The following SPTB variants were observed in gnomAD, a reference collection of about 807,000 sequenced individuals.
SPTB encodes the protein spectrin beta, erythrocytic.
SPTB carries 45 observed loss-of-function variants against 256.2 expected under a neutral mutation model. The ratio of observed to expected loss-of-function variants is 0.18; its 90% CI spans 0.14 to 0.23. The LOEUF (loss-of-function observed/expected upper bound fraction) is 0.23, where lower values mean the gene tolerates loss of function less well. SPTB is among the 10% of genes least tolerant of loss of function. The pLI is 1.00. For missense variants in SPTB, 2,715 were observed against 3,040.4 expected (o/e 0.89, Z 2.52); for synonymous variants, 1,231 against 1,243.1 (o/e 0.99, Z 0.21).
Position 64,772,762 on chromosome 14 carries a change from G to A in SPTB, c.5371C>T (p.Gln1791Ter). 1 of 1,613,988 alleles carries A rather than the reference G, an allele frequency of 6.2e-7. No homozygotes were observed. Among genetic ancestry groups the A allele is most frequent in the Non-Finnish European group, 8.5e-7 (1 of 1,180,032 alleles). ...AGGTCATAGGAGGCGGCCAGCAGCT[G>A]CATGCGCGTGTCAATGAGCTCCAGG... is the stretch of plus-strand genomic sequence containing the variant. ...DLLELIDTRM[Q>*]LLAASYDLHR... The change falls in exon 26 of 36, where the codon CAG (glutamine) becomes TAG (stop). Residue 1791 changes from glutamine (Q) to a stop codon, truncating the protein, a stop_gained. Coordinates refer to ENST00000644917, the MANE Select transcript of SPTB (RefSeq NM_001355436.2). LOFTEE classifies it high-confidence loss of function. The surrounding 1 kb of genome is among the most constrained non-coding windows in gnomAD (Gnocchi z 5.4).
In SPTB at chr14:64,774,516, G is replaced by A. The variant is rs767257742; in HGVS notation, c.4854C>T (p.Gly1618=). Residue 1618 remains glycine, a synonymous_variant, in exon 24 of 36, where the codon GGC becomes GGT. Coordinates refer to ENST00000644917, the MANE Select transcript of SPTB (RefSeq NM_001355436.2). ...ISDEIPKDEE[G]AIVMLKRHLR... Reference sequence around the variant, plus strand: ...AATGTCGCTTCAGCATCACAATGGCGCCCTCTTCATCCTAGGAGGCAGCAG... The same window carrying A: ...AATGTCGCTTCAGCATCACAATGGCACCCTCTTCATCCTAGGAGGCAGCAG... The A allele has an allele frequency of 4.5e-6, 7 of 1,553,568 alleles. No homozygotes were observed. Among genetic ancestry groups the A allele is most frequent in the South Asian group, 1.2e-5 (1 of 84,212 alleles).
At position 64,749,298 on chromosome 14, in the gene SPTB, C is replaced by A; in HGVS notation, c.*8G>T. ...TCCCGACTCCGCCGCGCCCGCCAGC[C>A]CCACCTGCTACTTCTTTTTGGGGAA... On this transcript the variant is annotated 3_prime_UTR_variant, in exon 36 of 36. Coordinates refer to ENST00000644917, the MANE Select transcript of SPTB (RefSeq NM_001355436.2). The surrounding 1 kb of genome is among the most constrained non-coding windows in gnomAD (Gnocchi z 4.7). The A allele has an allele frequency of 6.3e-7, 1 of 1,593,364 alleles. No individual in the cohort carries two copies. Among genetic ancestry groups the A allele is most frequent in the East Asian group, 2.3e-5 (1 of 44,048 alleles).
rs2083608227 is a variant in SPTB at position 64,841,610 on chromosome 14, C to CT, written c.-51-18466dup. The stretch of plus-strand genomic sequence containing the variant: ...CATTTCTTGTGAGGATTGCCAAGCA[C>CT]TTTTTCCCCCAAATCGACACAGACA... On this transcript the variant is annotated intron_variant, in intron 1 of 35. Coordinates refer to ENST00000644917, the MANE Select transcript of SPTB (RefSeq NM_001355436.2). This position sits in a 1 kb window ranked among gnomAD's most constrained non-coding sequence, Gnocchi z 4.6. Among the ~76,000 whole-genome samples, 3 of 152,070 alleles carry CT rather than the reference C, an allele frequency of 2.0e-5. No homozygotes were observed. The highest frequency in any genetic ancestry group is 1.5e-5 in the Non-Finnish European group (1 of 68,026).
intron 13 of SPTB, among the ~76,000 whole-genome samples, 155 bp downstream of exon 13, chr14:64,794,312 G>C (rs2082728016): frequency 6.6e-6 from 1 of 152,134 alleles, no homozygotes; most frequent in African/African-American, 2.4e-5. Context: ...TAGAGAATTT[G>C]GCTGGTCCCT....
rs931091959 is a variant in SPTB, at chr14:64,823,326, G to A, written c.-51-181C>T. ...TCGTTTGTTATAAAATATTGCAGCA[G>A]CAGCAGCAGCAACAGTACCGGCAGC... is the stretch of plus-strand genomic sequence containing the variant. On this transcript the variant is annotated intron_variant, in intron 1 of 35. Coordinates refer to ENST00000644917, the MANE Select transcript of SPTB (RefSeq NM_001355436.2). This position sits in a 1 kb window ranked among gnomAD's most constrained non-coding sequence, Gnocchi z 6.5. Among the ~76,000 whole-genome samples, 2 of 152,194 alleles carry A rather than the reference G, an allele frequency of 1.3e-5. No homozygotes were observed. Among genetic ancestry groups the A allele is most frequent in the Non-Finnish European group, 2.9e-5 (2 of 68,028 alleles).
intron 2 of SPTB, among the ~76,000 whole-genome samples, chr14:64,818,439 G>A (rs1360373412): frequency 6.6e-6 from 1 of 152,176 alleles, no homozygotes; most frequent in Non-Finnish European, 1.5e-5. Context: ...AAAGGGGAAT[G>A]AGGCTCATGC....
At position 64,772,547 on chromosome 14, in the gene SPTB, G is replaced by T; in HGVS notation, c.5553+33C>A. 6.3e-7 allele frequency: 1 copy of T among 1,599,286 alleles called. No homozygotes were observed. The highest frequency in any genetic ancestry group is 1.1e-5 in the South Asian group (1 of 90,764). ...CTGACACCCAGGGCTCCTGGAAATTGGTAGCAGGTGGGCGGCAGGGGGCTG... is the reference window on the plus strand; with the variant it reads ...CTGACACCCAGGGCTCCTGGAAATTTGTAGCAGGTGGGCGGCAGGGGGCTG... On this transcript the variant is annotated intron_variant, in intron 26 of 35. Coordinates refer to ENST00000644917, the MANE Select transcript of SPTB (RefSeq NM_001355436.2). The surrounding 1 kb of genome is among the most constrained non-coding windows in gnomAD (Gnocchi z 5.4).
Position 64,794,505 on chromosome 14 carries a change from G to A in SPTB, c.1757C>T (p.Ala586Val). 6.2e-7 allele frequency: 1 copy of A among 1,614,210 alleles called. No homozygotes were observed. Among genetic ancestry groups the A allele is most frequent in the African/African-American group, 1.3e-5 (1 of 75,042 alleles). Reference sequence around the variant, plus strand: ...GAACTTCAGGGTGGCTGCGGTGATGGCCTTCACTTTGTCCCCTTGGATGGC... The same window carrying A: ...GAACTTCAGGGTGGCTGCGGTGATGACCTTCACTTTGTCCCCTTGGATGGC... Reference protein sequence around the residue: ...DIAIQGDKVKAITAATLKFTE... With the variant: ...DIAIQGDKVKVITAATLKFTE... The change falls in exon 13 of 36, where the codon GCC becomes GTC. Residue 586 changes from alanine to valine, a missense_variant. Transcript: ENST00000644917.
chr14:64,773,752 C>G (rs1012834607), intron 24 of SPTB, among the ~76,000 whole-genome samples: 9 of 152,182 alleles, frequency 5.9e-5, no homozygotes, highest in African/African-American at 2.2e-4. Flanking sequence ...AGCAGCACTA[C>G]CTGAGTGGGG....
At position 64,787,046 on chromosome 14, in the gene SPTB, C is replaced by G. The variant is rs1408138151; in HGVS notation, c.2919G>C (p.Lys973Asn). ...CTTTTGTGGACTCCACTACCTTTGT[C>G]TTGTCCGTGATCCACTTGCTGGTCT... ...CEETSKWITDKTKVVESTKDL... is the reference protein window; with the variant it reads ...CEETSKWITDNTKVVESTKDL... Residue 973 changes from lysine to asparagine, a missense_variant, in exon 16 of 36, where the codon AAG (lysine) becomes AAC (asparagine). By Grantham distance (94) the Lys-to-Asn change is moderately conservative. Transcript: ENST00000644917. 11 of 1,614,048 alleles carry G rather than the reference C, an allele frequency of 6.8e-6. No individual in the cohort carries two copies. Among genetic ancestry groups the G allele is most frequent in the Non-Finnish European group, 9.3e-6 (11 of 1,180,036 alleles).
chr14:64,794,316 G>A, intron 13 of SPTB, 151 bp downstream of exon 13: 1 of 1,068,832 alleles, frequency 9.4e-7, no homozygotes, highest in South Asian at 1.5e-5. Flanking sequence ...GAATTTGGCT[G>A]GTCCCTCAAG....
intron 1 of SPTB, among the ~76,000 whole-genome samples, chr14:64,840,834 A>G (rs1458016309): frequency 2.6e-5 from 4 of 152,248 alleles, no homozygotes; most frequent in Non-Finnish European, 4.4e-5. Context: ...AGAGGTGGAT[A>G]GGGCCTGTAC....
At chr14:64,856,991 C>A (rs990980653) in intron 1 of SPTB, among the ~76,000 whole-genome samples, 1 of 152,178 alleles carries the variant, frequency 6.6e-6, no homozygotes, top group African/African-American at 2.4e-5. Flanking sequence ...ATTTCCTTAT[C>A]ATTTGTTCAT....
At chr14:64,781,818 G>A (rs1248035267) in intron 20 of SPTB, among the ~76,000 whole-genome samples, 1 of 152,116 alleles carries the variant, frequency 6.6e-6, no homozygotes, top group Non-Finnish European at 1.5e-5. Flanking sequence ...CAACCTAAAT[G>A]CCCATCAATG....
intron 32 of SPTB, among the ~76,000 whole-genome samples, chr14:64,763,427 G>A (rs991686961): frequency 1.3e-5 from 2 of 152,174 alleles, no homozygotes; most frequent in Non-Finnish European, 2.9e-5. Context: ...CCCATCTCCC[G>A]TCTCACACCA....
At chr14:64,752,270 A>G in intron 33 of SPTB, 5 of 1,342,008 alleles carry the variant, frequency 3.7e-6, no homozygotes, top group African/African-American at 3.0e-5. Flanking sequence ...CCTCCTCTTC[A>G]TCCTCCTCTT....
In SPTB at chr14:64,772,644, G is replaced by C. The variant is rs773088290; in HGVS notation, c.5489C>G (p.Thr1830Arg). 6.2e-7 allele frequency: 1 copy of C among 1,613,140 alleles called. No individual in the cohort carries two copies. The highest frequency in any genetic ancestry group is 1.7e-5 in the Admixed American group (1 of 60,012). ...GTGCACCCGGTGGAAGGACTCGGCC[G>C]TGCTGGCGTCCAGCCCCACGTCCTC... Reference protein sequence around the residue: ...LPEDVGLDASTAESFHRVHTA... With the variant: ...LPEDVGLDASRAESFHRVHTA... The change falls in exon 26 of 36, where the codon ACG (threonine) becomes AGG (arginine). Residue 1830 changes from threonine to arginine, a missense_variant. Transcript: ENST00000644917. The surrounding 1 kb of genome is among the most constrained non-coding windows in gnomAD (Gnocchi z 5.4).
At chr14:64,830,611 C>T (rs1179903419) in intron 1 of SPTB, among the ~76,000 whole-genome samples, 1 of 151,964 alleles carries the variant, frequency 6.6e-6, no homozygotes, top group East Asian at 1.9e-4. Flanking sequence ...GTCTTTTGTT[C>T]GTCATTTCTT....
At chr14:64,784,166 G>C in intron 19 of SPTB, 81 bp downstream of exon 19, 1 of 1,600,036 alleles carries the variant, frequency 6.2e-7, no homozygotes, top group South Asian at 1.1e-5. Context: ...CTTTAGGACA[G>C]GGTCCACACC....
Sources: allele counts gnomAD v4.1 joint callset (sites outside exome capture counted in the v4.1 genomes callset), GRCh38; gene constraint gnomAD v4.1.1; non-coding constraint Gnocchi (gnomAD v3.1); transcripts MANE v1.5; gene names NCBI Gene and HGNC (gene_info 2026-07-23, HGNC 2026-07-21).